LONP2: variants seen among roughly 807,000 people sequenced by gnomAD.
LONP2 encodes the protein lon peptidase 2, peroxisomal.
Under a neutral mutation model 85.6 loss-of-function variants are expected in LONP2, and 60 were observed. The ratio of observed to expected loss-of-function variants is 0.70; its 90% CI spans 0.57 to 0.87. The LOEUF is 0.87. Among genes scored for constraint, LONP2 ranks in the 40% least tolerant of loss-of-function variants. LONP2 has a pLI of 0.00. For missense variants in LONP2, 860 were observed against 1,063.5 expected (o/e 0.81, Z 2.66); for synonymous variants, 395 against 389.7 (o/e 1.01, Z -0.16).
intron 8 of LONP2, among the ~76,000 whole-genome samples, chr16:48,288,526 CAG>C (rs1226248700): frequency 2.6e-5 from 4 of 152,134 alleles, no homozygotes; most frequent in Admixed American, 1.3e-4. Context: ...GAAGACCAAA[CAG>C]AAATTTATTT....
At chr16:48,308,571 G>C (rs929903346) in intron 11 of LONP2, among the ~76,000 whole-genome samples, 1 of 150,266 alleles carries the variant, frequency 6.7e-6, no homozygotes, top group African/African-American at 2.5e-5. Flanking sequence ...ATGGTGCAGT[G>C]AGCCGAGATC....
chr16:48,261,675 T>C (rs1971882362), intron 5 of LONP2, 88 bp downstream of exon 5: 1 of 975,866 alleles, frequency 1.0e-6, no homozygotes, highest in Admixed American at 2.7e-5. Context: ...TCTCCAATAC[T>C]GAGGATACAT....
intron 8 of LONP2, among the ~76,000 whole-genome samples, chr16:48,279,769 T>C (rs1008019852): frequency 1.3e-5 from 2 of 152,224 alleles, no homozygotes; most frequent in Admixed American, 6.5e-5. Flanking sequence ...ATATTATTAA[T>C]GCAAATTGAT....
chr16:48,260,896 G>A (rs1971861251), intron 4 of LONP2, among the ~76,000 whole-genome samples: 1 of 152,176 alleles, frequency 6.6e-6, no homozygotes, highest in Admixed American at 6.5e-5. Flanking sequence ...AAGAAAGGAA[G>A]TAAATAGTGC....
At chr16:48,282,425 AAAAAG>A (rs1211758401) in intron 8 of LONP2, among the ~76,000 whole-genome samples, 53 of 151,926 alleles carry the variant, frequency 3.5e-4, no homozygotes, top group Admixed American at 6.6e-4. Context: ...AAAAAAAAAA[AAAAAG>A]AAAGAAAGTG....
At chr16:48,342,091 A>C (rs184251779) in intron 12 of LONP2, among the ~76,000 whole-genome samples, 1 of 152,170 alleles carries the variant, frequency 6.6e-6, no homozygotes, top group Non-Finnish European at 1.5e-5. Context: ...AAGGACCAAT[A>C]TACCTGGTTG....
rs569649199 is a variant in LONP2, at chr16:48,304,853, T to C, written c.1795+1548T>C. ...TGTAGGGAATTGACAATTTCTTTCA[T>C]AGTAAAGAGATTTATTAGATTTTTC... On this transcript the variant is annotated intron_variant, in intron 11 of 14. Transcript: ENST00000285737. Among the ~76,000 whole-genome samples, 4 of 152,374 alleles carry C rather than the reference T, an allele frequency of 2.6e-5. No individual in the cohort carries two copies. In the East Asian group the frequency reaches 7.7e-4, roughly 29 times the overall value.
chr16:48,264,505 T>A (rs1971948519), intron 6 of LONP2, among the ~76,000 whole-genome samples: 1 of 152,268 alleles, frequency 6.6e-6, no homozygotes, highest in African/African-American at 2.4e-5. Flanking sequence ...CAATTGCTGT[T>A]ATCCTGTTCT....
intron 8 of LONP2, among the ~76,000 whole-genome samples, chr16:48,290,073 T>C (rs1228630721): frequency 2.6e-5 from 4 of 152,140 alleles, no homozygotes; most frequent in African/African-American, 9.7e-5. Flanking sequence ...TTCTAGAATA[T>C]TTTCGTTTCT....
At chr16:48,346,206 G>A (rs1362026278) in intron 12 of LONP2, 1 of 152,184 alleles carries the variant, frequency 6.6e-6, no homozygotes. Flanking sequence ...GTATAGTGCT[G>A]TTCCTTAGTG....
chr16:48,317,640 C>T (rs1308076326), intron 11 of LONP2, among the ~76,000 whole-genome samples: 1 of 152,176 alleles, frequency 6.6e-6, no homozygotes, highest in Non-Finnish European at 1.5e-5. Flanking sequence ...CATGCTTTGC[C>T]TGTTTGACTT....
chr16:48,307,962 A>C (rs1972946332), intron 11 of LONP2, among the ~76,000 whole-genome samples: 1 of 152,192 alleles, frequency 6.6e-6, no homozygotes, highest in African/African-American at 2.4e-5. Context: ...GAGCAAGGAA[A>C]GAGCCAGGGA....
chr16:48,302,988 A>T (rs1480929517), intron 10 of LONP2, among the ~76,000 whole-genome samples, 184 bp from the exon 11 acceptor site: 2 of 152,228 alleles, frequency 1.3e-5, no homozygotes, highest in African/African-American at 4.8e-5. Flanking sequence ...TTGTAGCTGA[A>T]AATAGATCAA....
chr16:48,248,882 T>C (rs1351308853), intron 1 of LONP2, among the ~76,000 whole-genome samples: 2 of 124,064 alleles, frequency 1.6e-5, no homozygotes, highest in Admixed American at 8.9e-5. Context: ...ATTCTGTCTA[T>C]AGGAAAAAAA....
intron 11 of LONP2, among the ~76,000 whole-genome samples, chr16:48,320,321 T>C (rs1040630824): frequency 1.2e-4 from 18 of 152,160 alleles, no homozygotes; most frequent in African/African-American, 4.3e-4. Flanking sequence ...TAAAGTCTTG[T>C]TTCATCTTGT....
At chr16:48,325,112 G>T (rs985257790) in intron 11 of LONP2, among the ~76,000 whole-genome samples, 1 of 152,114 alleles carries the variant, frequency 6.6e-6, no homozygotes, top group Non-Finnish European at 1.5e-5. Flanking sequence ...TTCCACCTCG[G>T]ATCATCAGCA....
intron 3 of LONP2, among the ~76,000 whole-genome samples, chr16:48,258,129 C>T (rs772428784): frequency 6.6e-6 from 1 of 152,034 alleles, no homozygotes; most frequent in Non-Finnish European, 1.5e-5. Context: ...GGGAAGATCA[C>T]GAGGTCAGGA....
intron 11 of LONP2, among the ~76,000 whole-genome samples, chr16:48,307,259 G>T (rs1972930845): frequency 6.6e-6 from 1 of 152,180 alleles, no homozygotes; most frequent in Admixed American, 6.5e-5. Flanking sequence ...TGCTGCCTCT[G>T]TTTTTCTGCA....
intron 11 of LONP2, among the ~76,000 whole-genome samples, chr16:48,313,774 T>A (rs1180474670): frequency 6.6e-6 from 1 of 152,176 alleles, no homozygotes; most frequent in East Asian, 1.9e-4. Context: ...TTGTGAATAG[T>A]GCTGCAATGA....
Sources: gnomAD v4.1 joint callset for allele counts (sites outside exome capture counted in the v4.1 genomes callset) on GRCh38, gnomAD v4.1.1 for gene constraint, MANE v1.5 for transcripts, NCBI Gene and HGNC (gene_info 2026-07-23, HGNC 2026-07-21) for gene names.